GADL1: variants seen among roughly 807,000 people sequenced by gnomAD.
The protein encoded by GADL1 is GAD like acidic amino acid decarboxylase 1.
GADL1 carries 71 observed loss-of-function variants against 69.5 expected under a neutral mutation model. That is an observed-to-expected ratio of 1.02 (90% CI 0.84 to 1.25). The LOEUF (loss-of-function observed/expected upper bound fraction) is 1.25, where lower values mean the gene tolerates loss of function less well. Ranked by LOEUF, GADL1 falls within the 50% of genes most tolerant of loss-of-function variation. The pLI, the probability that GADL1 is intolerant of heterozygous loss-of-function variation, is 0.00. For missense variants in GADL1, 737 were observed against 631.8 expected (o/e 1.17, Z -1.79); for synonymous variants, 254 against 214.4 (o/e 1.18, Z -1.62).
chr3:30,812,877 G>A (rs1270505114), intron 11 of GADL1, among the ~76,000 whole-genome samples: 1 of 152,040 alleles, frequency 6.6e-6, no homozygotes, highest in East Asian at 1.9e-4. Context: ...ACAGGAGGAA[G>A]GAGAGAAGAG....
At chr3:30,754,500 G>A (rs1186961604) in intron 14 of GADL1, among the ~76,000 whole-genome samples, 1 of 152,130 alleles carries the variant, frequency 6.6e-6, no homozygotes, top group Admixed American at 6.6e-5. Context: ...AGGAGTTCTG[G>A]GAGCATCAAG....
intron 13 of GADL1, among the ~76,000 whole-genome samples, chr3:30,784,717 C>G (rs1268760068): frequency 1.3e-5 from 2 of 152,178 alleles, no homozygotes; most frequent in African/African-American, 4.8e-5. Context: ...CAACATTCCT[C>G]TCTTCTCATG....
chr3:30,836,182 A>C (rs138075556), intron 9 of GADL1, among the ~76,000 whole-genome samples: 1,961 of 152,068 alleles, frequency 0.013, 38 homozygotes, highest in African/African-American at 0.045. Flanking sequence ...GCTCGCTCAC[A>C]CTTTCCACCT....
intron 11 of GADL1, among the ~76,000 whole-genome samples, chr3:30,802,440 T>G (rs1281067332): frequency 6.6e-6 from 1 of 150,832 alleles, no homozygotes; most frequent in East Asian, 1.9e-4. Context: ...TTGGTGAATT[T>G]TCCAAACTTT....
chr3:30,749,985 T>C (rs1559486186), intron 14 of GADL1, among the ~76,000 whole-genome samples: 1 of 152,200 alleles, frequency 6.6e-6, no homozygotes, highest in African/African-American at 2.4e-5. Context: ...TTTTGTACTT[T>C]AGACAAAGGT....
chr3:30,790,604 A>G (rs1696893579), intron 12 of GADL1, among the ~76,000 whole-genome samples: 1 of 152,192 alleles, frequency 6.6e-6, no homozygotes, highest in Non-Finnish European at 1.5e-5. Flanking sequence ...GACAACATCC[A>G]GTGGTGGTAA....
In GADL1 at chr3:30,776,086, A is replaced by G. The variant is rs200962849; in HGVS notation, c.1392+2093T>C. Among the ~76,000 whole-genome samples, 4 of 116,544 alleles carry G rather than the reference A, an allele frequency of 3.4e-5. No individual in the cohort carries two copies. In the East Asian group the frequency reaches 7.5e-4, roughly 22 times the overall value. 76.5% of individuals were successfully genotyped at this position (116,544 alleles called of 152,430 possible). On this transcript the variant is annotated intron_variant, in intron 14 of 14. Transcript: ENST00000282538. ...GGGCGACAGCAAGACTCCGTCTTGG[A>G]AAAAAAAAATGCATTATATTCTGTA... is the stretch of plus-strand genomic sequence containing the variant.
chr3:30,852,251 A>G (rs1698159668), intron 4 of GADL1, among the ~76,000 whole-genome samples: 1 of 152,162 alleles, frequency 6.6e-6, no homozygotes. Flanking sequence ...GCAGTGGCTC[A>G]TGCCTGTAAT....
At chr3:30,755,646 T>A (rs1488538964) in intron 14 of GADL1, among the ~76,000 whole-genome samples, 1 of 152,184 alleles carries the variant, frequency 6.6e-6, no homozygotes, top group East Asian at 1.9e-4. Flanking sequence ...AGTGTTTAAA[T>A]GTCTGAATCC....
chr3:30,852,700 A>G (rs916605299), intron 4 of GADL1, among the ~76,000 whole-genome samples: 1 of 152,118 alleles, frequency 6.6e-6, no homozygotes, highest in Admixed American at 6.6e-5. Flanking sequence ...AAACCTAGGA[A>G]TCAGCCTGGA....
At chr3:30,745,268 G>T (rs1695685980) in intron 14 of GADL1, among the ~76,000 whole-genome samples, 1 of 152,160 alleles carries the variant, frequency 6.6e-6, no homozygotes, top group African/African-American at 2.4e-5. Context: ...ATAAGGTGAA[G>T]CACAGAATCC....
At chr3:30,739,995 G>C (rs922930951) in intron 14 of GADL1, among the ~76,000 whole-genome samples, 2 of 151,998 alleles carry the variant, frequency 1.3e-5, no homozygotes, top group African/African-American at 4.8e-5. Flanking sequence ...ATTTTTTATG[G>C]AGCTTGCTCA....
chr3:30,753,319 C>T (rs1245458262), intron 14 of GADL1, among the ~76,000 whole-genome samples: 1 of 152,068 alleles, frequency 6.6e-6, no homozygotes, highest in Non-Finnish European at 1.5e-5. Flanking sequence ...GAAATTCTTC[C>T]TCAAAACCAT....
chr3:30,740,782 T>G (rs528835434), intron 14 of GADL1, among the ~76,000 whole-genome samples: 25 of 151,306 alleles, frequency 1.7e-4, no homozygotes, highest in Non-Finnish European at 2.9e-4. Context: ...TCTTACAAAT[T>G]TAGAAAAACC....
At chr3:30,860,176 G>A (rs1038569058) in intron 2 of GADL1, among the ~76,000 whole-genome samples, 1 of 151,546 alleles carries the variant, frequency 6.6e-6, no homozygotes, top group Non-Finnish European at 1.5e-5. Flanking sequence ...CAAAGTACTC[G>A]CTCCTGAGTG....
chr3:30,808,513 G>T (rs964591229), intron 11 of GADL1, among the ~76,000 whole-genome samples: 3 of 126,178 alleles, frequency 2.4e-5, no homozygotes, highest in Admixed American at 7.8e-5. Context: ...AAAAAAAAAT[G>T]AGGATATCAT....
intron 1 of GADL1, among the ~76,000 whole-genome samples, chr3:30,866,724 G>A (rs879439628): frequency 6.6e-6 from 1 of 152,020 alleles, no homozygotes; most frequent in Admixed American, 6.6e-5. Flanking sequence ...CCCACACTGG[G>A]TAGGCAGCTT....
intron 14 of GADL1, among the ~76,000 whole-genome samples, chr3:30,765,648 T>C (rs1346647225): frequency 6.6e-6 from 1 of 152,190 alleles, no homozygotes; most frequent in Non-Finnish European, 1.5e-5. Flanking sequence ...CTTAAAACTC[T>C]GGGTAATTTT....
chr3:30,834,283 T>C lies in GADL1; in HGVS notation c.904-2A>G, dbSNP rs553718596. The stretch of plus-strand genomic sequence containing the variant: ...CAAAGCTGAGCCACCCCAAGAAGCC[T>C]GTTGAGATATTTACAGTACCAGAAC... On this transcript the variant is annotated splice_acceptor_variant, in intron 9 of 14. Transcript: ENST00000282538. LOFTEE classifies it high-confidence loss of function. 3.8e-4 allele frequency: 616 copies of C among 1,611,716 alleles called. 2 individuals carry two copies. In the South Asian group the frequency reaches 6.4e-3, roughly 17 times the overall value.
Sources: gnomAD v4.1 joint callset for allele counts (sites outside exome capture counted in the v4.1 genomes callset) on GRCh38, gnomAD v4.1.1 for gene constraint, MANE v1.5 for transcripts, NCBI Gene and HGNC (gene_info 2026-07-23, HGNC 2026-07-21) for gene names.